MYO15A: variants seen among roughly 807,000 people sequenced by gnomAD.
The protein encoded by MYO15A is myosin XVA.
In MYO15A, 308 loss-of-function variants were observed where a neutral mutation model predicts 394.6. The observed-to-expected ratio is 0.78, with a 90% confidence interval of 0.71 to 0.86. The LOEUF (loss-of-function observed/expected upper bound fraction) is 0.86. Ranked by LOEUF, MYO15A falls within the 40% of genes least tolerant of loss-of-function variation. The probability of loss-of-function intolerance (pLI) is 0.00; values close to 1 mark genes in which losing one functional copy is unlikely to be tolerated. For synonymous variants in MYO15A, 1,957 were observed against 2,003.8 expected, an observed-to-expected ratio of 0.98 and a Z score of 0.62; for missense variants, 4,606 against 4,799.1, an observed-to-expected ratio of 0.96 and a Z score of 1.19.
In MYO15A at chr17:18,118,570, C is replaced by T. The variant is rs917264130; in HGVS notation, c.-219-12C>T. Reference sequence around the variant, plus strand: ...GTAAACAACACCCACACACTTTCTACTACTGCTCTAGGGTGAAACCCAAGG... The same window carrying T: ...GTAAACAACACCCACACACTTTCTATTACTGCTCTAGGGTGAAACCCAAGG... On this transcript the variant is annotated splice_polypyrimidine_tract_variant and intron_variant, in intron 1 of 65. Transcript: ENST00000647165. 3 of 603,516 alleles carry T rather than the reference C, an allele frequency of 5.0e-6. No individual in the cohort carries two copies. The highest frequency in any genetic ancestry group is 8.7e-6 in the Non-Finnish European group (3 of 345,682). The allele number at this position is 603,516 out of a possible 1,614,324, so 37.4% of individuals were successfully genotyped here.
chr17:18,136,493 C>T lies in MYO15A; in HGVS notation c.4655+18C>T, dbSNP rs542454256. The T allele has an allele frequency of 5.0e-6, 8 of 1,613,650 alleles. No homozygotes were observed. The highest frequency in any genetic ancestry group is 6.8e-6 in the Non-Finnish European group (8 of 1,180,042). On this transcript the variant is annotated intron_variant, in intron 14 of 65. Coordinates refer to ENST00000647165, the MANE Select transcript of MYO15A (RefSeq NM_016239.4). ...GATGCCAGGTGAGGCCACGCCCTCC[C>T]CTGCCTGAGCCCCGAGGCCCAGCAC... is the stretch of plus-strand genomic sequence containing the variant.
chr17:18,175,414 C>T (rs1435819437), intron 65 of MYO15A, among the ~76,000 whole-genome samples: 1 of 151,530 alleles, frequency 6.6e-6, no homozygotes, highest in Non-Finnish European at 1.5e-5. Flanking sequence ...CCTCAGCCTC[C>T]CAAGTAGCTG....
At position 18,122,370 on chromosome 17, in the gene MYO15A, C is replaced by G. The variant is rs1412586352; in HGVS notation, c.3570C>G (p.Gly1190=). The G allele has an allele frequency of 6.2e-7, 1 of 1,612,794 alleles. No homozygotes were observed. The highest frequency in any genetic ancestry group is 8.5e-7 in the Non-Finnish European group (1 of 1,179,914). Residue 1190 remains glycine, a synonymous_variant, in exon 2 of 66, where the codon GGC becomes GGG. Coordinates refer to ENST00000647165, the MANE Select transcript of MYO15A (RefSeq NM_016239.4). ...GPGAACLSLR[G]SWEEVGPPSW... is the part of the protein sequence containing the mutation. Reference sequence around the variant, plus strand: ...GAGCTGCCTGCCTGTCCCTTAGGGGCTCCTGGGAGGAGGTCGGCCCGCCAA... The same window carrying G: ...GAGCTGCCTGCCTGTCCCTTAGGGGGTCCTGGGAGGAGGTCGGCCCGCCAA...
At position 18,151,267 on chromosome 17, in the gene MYO15A, A is replaced by C. The variant is rs2046576206; in HGVS notation, c.7631A>C (p.Gln2544Pro). 2 of 1,614,114 alleles carry C rather than the reference A, an allele frequency of 1.2e-6. No individual in the cohort carries two copies. The highest frequency in any genetic ancestry group is 8.5e-7 in the Non-Finnish European group (1 of 1,180,008). The change falls in exon 39 of 66, where the codon CAG becomes CCG. Residue 2544 changes from glutamine to proline, a missense_variant. Physicochemically the swap from Gln to Pro is moderately conservative, Grantham distance 76. Transcript: ENST00000647165. ...IKPVAAPVLA[Q>P]DQASPETTSP... is the part of the protein sequence containing the mutation. ...CCTGTGGCTGCCCCTGTTCTAGCTC[A>C]GGATCAGGCTTCTCCAGAAACCAGT...
intron 30 of MYO15A, among the ~76,000 whole-genome samples, chr17:18,146,348 G>A (rs967382269): frequency 2.0e-5 from 3 of 152,194 alleles, no homozygotes; most frequent in Admixed American, 1.3e-4. Flanking sequence ...AACTCAGAGT[G>A]GGACAAGACC....
At chr17:18,138,312 A>C in intron 17 of MYO15A, 66 bp downstream of exon 17, 2 of 1,564,244 alleles carry the variant, frequency 1.3e-6, no homozygotes, top group East Asian at 4.6e-5. Flanking sequence ...TCCTCATCCC[A>C]CCCTGACTCC....
Position 18,121,307 on chromosome 17 carries a change from C to T in MYO15A, c.2507C>T (p.Pro836Leu). ...PRRAAGRLGP[P>L]GSPLPGSPRP... ...CGAGCCGCTGGGCGCCTGGGCCCAC[C>T]CGGCTCGCCGCTGCCGGGCTCACCC... The change falls in exon 2 of 66, where the codon CCC (proline) becomes CTC (leucine). Residue 836 changes from proline (P) to leucine (L), a missense_variant. Pro to Leu is a moderately conservative substitution (Grantham distance 98). Coordinates refer to ENST00000647165, the MANE Select transcript of MYO15A (RefSeq NM_016239.4). This position sits in a 1 kb window ranked among gnomAD's most constrained non-coding sequence, Gnocchi z 5.3. 7.5e-7 allele frequency: 1 copy of T among 1,328,192 alleles called. No homozygotes were observed. 82.3% of individuals were successfully genotyped at this position (1,328,192 alleles called of 1,614,324 possible).
At chr17:18,139,715 C>T (rs2046345098) in intron 19 of MYO15A, 104 bp downstream of exon 19, 7 of 1,365,394 alleles carry the variant, frequency 5.1e-6, no homozygotes, top group South Asian at 1.2e-5. Context: ...GTCCTGGCTC[C>T]GCTTAGCTTT....
At position 18,164,038 on chromosome 17, in the gene MYO15A, TG is replaced by T; in HGVS notation, c.9787+201del. On this transcript the variant is annotated intron_variant, in intron 60 of 65. Transcript: ENST00000647165. The stretch of plus-strand genomic sequence containing the variant: ...CTGTCCCTTTCTGCTTTGCTTAGTT[TG>T]CCTCACCTTATGATGAGAGCCCTCT... The T allele has an allele frequency of 4.8e-6, 3 of 627,968 alleles. No individual in the cohort carries two copies. In the South Asian group the frequency reaches 5.3e-5, roughly 11 times the overall value. The allele number at this position is 627,968 out of a possible 1,614,324, so 38.9% of individuals were successfully genotyped here.
rs1350469608 is a variant in MYO15A at position 18,121,242 on chromosome 17, C to T, written c.2442C>T (p.Ala814=). 2 of 1,475,130 alleles carry T rather than the reference C, an allele frequency of 1.4e-6. No homozygotes were observed. The highest frequency in any genetic ancestry group is 1.8e-6 in the Non-Finnish European group (2 of 1,117,552). The allele number at this position is 1,475,130 out of a possible 1,614,324, so 91.4% of individuals were successfully genotyped here. A position where few individuals can be genotyped will look rare whatever the true frequency, so the allele number is the denominator to read the frequency against. ...TCCAGCCGCCCTTCCTGCCCCCGGC[C>T]CGCCGGCCCCGCTCGCTGCAGGAGT... ...GPFQPPFLPP[A]RRPRSLQESP... is the part of the protein sequence containing the mutation. The change falls in exon 2 of 66, where the codon GCC becomes GCT. Residue 814 remains alanine, a synonymous_variant. Transcript: ENST00000647165. The surrounding 1 kb of genome is among the most constrained non-coding windows in gnomAD (Gnocchi z 5.3).
chr17:18,152,311 A>G, intron 42 of MYO15A, 127 bp downstream of exon 42: 1 of 920,366 alleles, frequency 1.1e-6, no homozygotes, highest in Non-Finnish European at 1.7e-6. Flanking sequence ...TCTTGTGAGC[A>G]CATTGGTGTA....
intron 2 of MYO15A, chr17:18,122,775 T>G (rs546145875): frequency 1.2e-5 from 3 of 241,202 alleles, no homozygotes; most frequent in South Asian, 1.7e-4. Context: ...GATGTGAAAC[T>G]GCCGGACATG....
chr17:18,148,644 G>T lies in MYO15A; in HGVS notation c.6764+76G>T. 6.5e-7 allele frequency: 1 copy of T among 1,543,580 alleles called. No individual in the cohort carries two copies. Among genetic ancestry groups the T allele is most frequent in the Non-Finnish European group, 8.8e-7 (1 of 1,140,798 alleles). ...GTGGGGGGAGGTCAGATCCCCCAGA[G>T]GGTCCCATAGGGTCCATTCTGTTCA... is the stretch of plus-strand genomic sequence containing the variant. On this transcript the variant is annotated intron_variant, in intron 32 of 65. Transcript: ENST00000647165. The surrounding 1 kb of genome is among the most constrained non-coding windows in gnomAD (Gnocchi z 4.8).
chr17:18,166,351 C>T lies in MYO15A; in HGVS notation c.9788-10C>T. The stretch of plus-strand genomic sequence containing the variant: ...GCCCCCACCCAGCCCTGCCTCCCTG[C>T]TCTCTGCAGGCCAGCATGTGTGCCC... On this transcript the variant is annotated splice_polypyrimidine_tract_variant and intron_variant, in intron 60 of 65. Transcript: ENST00000647165. The T allele has an allele frequency of 2.5e-6, 4 of 1,611,762 alleles. No individual in the cohort carries two copies. Among genetic ancestry groups the T allele is most frequent in the Non-Finnish European group, 8.5e-7 (1 of 1,180,034 alleles).
At position 18,142,266 on chromosome 17, in the gene MYO15A, A is replaced by G; in HGVS notation, c.5825+12A>G. 6.2e-7 allele frequency: 1 copy of G among 1,610,220 alleles called. No individual in the cohort carries two copies. Among genetic ancestry groups the G allele is most frequent in the Non-Finnish European group, 8.5e-7 (1 of 1,178,988 alleles). Reference sequence around the variant, plus strand: ...GGCTACCTTGCCAGGTGAGGCACAGAAAAGGCAGGATTCCTAGGAGACCTA... The same window carrying G: ...GGCTACCTTGCCAGGTGAGGCACAGGAAAGGCAGGATTCCTAGGAGACCTA... On this transcript the variant is annotated intron_variant, in intron 24 of 65. Transcript: ENST00000647165.
chr17:18,133,029 C>T (rs978009932), intron 11 of MYO15A, among the ~76,000 whole-genome samples, 196 bp from the exon 12 acceptor site: 1 of 152,248 alleles, frequency 6.6e-6, no homozygotes, highest in Non-Finnish European at 1.5e-5. Context: ...CAGGTGACAA[C>T]CCCTGCCACA....
In MYO15A at chr17:18,154,746, G is replaced by T. The variant is rs748969088; in HGVS notation, c.8215G>T (p.Ala2739Ser). The change falls in exon 45 of 66, where the codon GCC (alanine) becomes TCC (serine). Residue 2739 changes from alanine (A) to serine (S), a missense_variant. By Grantham distance (99) the Ala-to-Ser change is moderately conservative. Around this residue, in one of 2 missense-constraint regions of MYO15A, gnomAD observed 2,776 missense variants for 3,109.3 expected, o/e 0.89. Transcript: ENST00000647165. ...ISEDERLRMKALFAQNQLDTQ... is the reference protein window; with the variant it reads ...ISEDERLRMKSLFAQNQLDTQ... ...TGAGGATGAGAGGCTCAGGATGAAG[G>T]CCTTGTTTGGTATCTCGGGGGAGAG... The T allele has an allele frequency of 5.6e-6, 9 of 1,613,622 alleles. No homozygotes were observed. Among genetic ancestry groups the T allele is most frequent in the Non-Finnish European group, 7.6e-6 (9 of 1,180,026 alleles).
chr17:18,172,037 C>A (rs2046949537), intron 63 of MYO15A, 120 bp from the exon 64 acceptor site: 7 of 1,547,786 alleles, frequency 4.5e-6, no homozygotes, highest in Non-Finnish European at 6.2e-6. Flanking sequence ...GGGAGGAGAC[C>A]CAGACCAAGG....
In MYO15A at chr17:18,119,761, G is replaced by T; in HGVS notation, c.961G>T (p.Gly321Trp). Reference sequence around the variant, plus strand: ...CGAACCCCCATATGCGCCCCCGTCGGGGTACTCGTCTCCTTACAGCTACCA... The same window carrying T: ...CGAACCCCCATATGCGCCCCCGTCGTGGTACTCGTCTCCTTACAGCTACCA... ...DYEPPYAPPS[G>W]YSSPYSYHDG... Residue 321 changes from glycine (G) to tryptophan (W), a missense_variant, in exon 2 of 66, where the codon GGG (glycine) becomes TGG (tryptophan). Physicochemically the swap from Gly to Trp is radical, Grantham distance 184. Around this residue, in one of 2 missense-constraint regions of MYO15A, gnomAD observed 1,830 missense variants for 1,689.7 expected, o/e 1.08. Coordinates refer to ENST00000647165, the MANE Select transcript of MYO15A (RefSeq NM_016239.4). The T allele has an allele frequency of 6.2e-7, 1 of 1,612,888 alleles. No homozygotes were observed. Among genetic ancestry groups the T allele is most frequent in the Non-Finnish European group, 8.5e-7 (1 of 1,179,972 alleles).
Sources: allele counts gnomAD v4.1 joint callset (sites outside exome capture counted in the v4.1 genomes callset), GRCh38; gene constraint gnomAD v4.1.1; regional missense constraint gnomAD v4.1.1; non-coding constraint Gnocchi (gnomAD v3.1); transcripts MANE v1.5; gene names NCBI Gene and HGNC (gene_info 2026-07-23, HGNC 2026-07-21).